The following RNF150 variants were observed in gnomAD, a reference collection of about 807,000 sequenced individuals.
The protein encoded by RNF150 is ring finger protein 150.
In RNF150, 24 loss-of-function variants were observed where a neutral mutation model predicts 39.3. The observed-to-expected ratio is 0.61, with a 90% CI of 0.44 to 0.86. The LOEUF is 0.86. Among genes scored for constraint, RNF150 ranks in the 40% least tolerant of loss-of-function variants. The pLI is 0.00. For synonymous variants in RNF150, 255 were observed against 227.3 expected (o/e 1.12, Z -1.10); for missense variants, 502 against 587.8 (o/e 0.85, Z 1.51).
rs115651223 is a variant in RNF150 at position 140,958,209 on chromosome 4, A to G, written c.736-8837T>C. 1.0e-2 allele frequency among the ~76,000 whole-genome samples: 1,516 copies of G among 152,284 alleles called. 11 individuals carry two copies. The highest frequency in any genetic ancestry group is 0.017 in the Non-Finnish European group (1,130 of 68,016). On this transcript the variant is annotated intron_variant, in intron 2 of 6. Coordinates refer to ENST00000515673, the MANE Select transcript of RNF150 (RefSeq NM_020724.2). ...ACATGCAAATAATGTGCCATTTCAT[A>G]TAAGGGACTGTAGATTTTGGTATCC...
chr4:141,197,732 G>T (rs1016274684), intron 1 of RNF150, among the ~76,000 whole-genome samples: 9 of 151,910 alleles, frequency 5.9e-5, no homozygotes, highest in African/African-American at 2.2e-4. Flanking sequence ...CAAAAAATTA[G>T]CCATGTATGG....
At chr4:141,061,847 G>C (rs1469938066) in intron 1 of RNF150, among the ~76,000 whole-genome samples, 1 of 152,034 alleles carries the variant, frequency 6.6e-6, no homozygotes, top group Non-Finnish European at 1.5e-5. Context: ...TTCACAAAAG[G>C]ATCTGAATTA....
chr4:140,962,457 G>A (rs1470415223), intron 2 of RNF150, among the ~76,000 whole-genome samples: 1 of 150,068 alleles, frequency 6.7e-6, no homozygotes, highest in Admixed American at 6.6e-5. Flanking sequence ...ATACGTATAT[G>A]ATATATATGT....
intron 5 of RNF150, among the ~76,000 whole-genome samples, chr4:140,925,665 G>A (rs755305260): frequency 3.9e-5 from 6 of 152,140 alleles, no homozygotes; most frequent in East Asian, 3.9e-4. Flanking sequence ...CAACTGGCCC[G>A]GGGTGTATCT....
intron 1 of RNF150, among the ~76,000 whole-genome samples, chr4:140,975,533 A>G (rs1429600404): frequency 6.6e-6 from 1 of 152,030 alleles, no homozygotes; most frequent in Non-Finnish European, 1.5e-5. Flanking sequence ...TTCCCTTAAT[A>G]TTTGTGGTCC....
intron 1 of RNF150, among the ~76,000 whole-genome samples, chr4:141,018,670 C>T (rs1735370333): frequency 6.6e-6 from 1 of 152,098 alleles, no homozygotes; most frequent in Non-Finnish European, 1.5e-5. Flanking sequence ...CCATCCAGAT[C>T]CAGGAGGCCC....
At chr4:140,956,668 C>A (rs1011407676) in intron 2 of RNF150, among the ~76,000 whole-genome samples, 7 of 152,078 alleles carry the variant, frequency 4.6e-5, no homozygotes, top group Admixed American at 3.3e-4. Flanking sequence ...TACAAGGCTA[C>A]AGTAACCAAA....
At chr4:140,901,283 C>T (rs909984072) in intron 6 of RNF150, among the ~76,000 whole-genome samples, 1 of 136,652 alleles carries the variant, frequency 7.3e-6, no homozygotes, top group African/African-American at 2.7e-5. Flanking sequence ...ATTTCTGCTG[C>T]ATAGTACAAT....
chr4:141,079,541 T>G (rs1367975558), intron 1 of RNF150, among the ~76,000 whole-genome samples: 1 of 152,160 alleles, frequency 6.6e-6, no homozygotes, highest in Non-Finnish European at 1.5e-5. Context: ...AAATAATATG[T>G]AAGGTGCTTA....
intron 5 of RNF150, among the ~76,000 whole-genome samples, chr4:140,921,280 G>A (rs935507069): frequency 2.6e-5 from 4 of 151,666 alleles, no homozygotes; most frequent in Non-Finnish European, 1.5e-5. Context: ...AAATGGCAAA[G>A]GGGATATCAC....
At chr4:141,066,626 A>G (rs550112723) in intron 1 of RNF150, among the ~76,000 whole-genome samples, 4 of 152,238 alleles carry the variant, frequency 2.6e-5, no homozygotes, top group Admixed American at 1.3e-4. Context: ...TAAGCTGACG[A>G]TATTTCTACA....
intron 4 of RNF150, among the ~76,000 whole-genome samples, chr4:140,926,293 T>C (rs1348754349): frequency 1.3e-5 from 2 of 152,202 alleles, no homozygotes; most frequent in Non-Finnish European, 2.9e-5. Flanking sequence ...TAATTTGCAA[T>C]GGAGTTTTCC....
At chr4:141,129,496 T>C (rs570881646) in intron 1 of RNF150, among the ~76,000 whole-genome samples, 93 of 152,276 alleles carry the variant, frequency 6.1e-4, no homozygotes, top group African/African-American at 2.2e-3. Context: ...TTGGGGAATA[T>C]TGGGGAAGTA....
rs541604941 is a variant in RNF150, at chr4:140,982,366, T to TA, written c.485-14494dup. 2.3e-4 allele frequency among the ~76,000 whole-genome samples: 35 copies of TA among 152,254 alleles called. 1 individual carries two copies. The highest frequency in any genetic ancestry group is 3.4e-3 in the Middle Eastern group (1 of 294). Reference sequence around the variant, plus strand: ...TGTGTTCCAAGCATTGGTAATTGCATATATGGCATCCTTCCTCCTCTTGAA... The same window carrying TA: ...TGTGTTCCAAGCATTGGTAATTGCATAATATGGCATCCTTCCTCCTCTTGAA... On this transcript the variant is annotated intron_variant, in intron 1 of 6. Coordinates refer to ENST00000515673, the MANE Select transcript of RNF150 (RefSeq NM_020724.2).
intron 5 of RNF150, among the ~76,000 whole-genome samples, 179 bp downstream of exon 5, chr4:140,925,798 G>T (rs550259970): frequency 6.6e-6 from 1 of 152,278 alleles, no homozygotes; most frequent in East Asian, 1.9e-4. Flanking sequence ...TGTCCTCAGA[G>T]AAAAAGTGAG....
chr4:141,172,828 C>T (rs1727751707), intron 1 of RNF150, among the ~76,000 whole-genome samples: 1 of 152,108 alleles, frequency 6.6e-6, no homozygotes, highest in African/African-American at 2.4e-5. Flanking sequence ...AGTTCAAGAC[C>T]AGCCTGGCCA....
intron 6 of RNF150, among the ~76,000 whole-genome samples, chr4:140,900,703 A>G (rs1730157872): frequency 6.6e-6 from 1 of 152,166 alleles, no homozygotes; most frequent in Non-Finnish European, 1.5e-5. Context: ...TTTCAATTTC[A>G]TCAATATATA....
intron 1 of RNF150, among the ~76,000 whole-genome samples, chr4:141,025,281 T>C (rs143290206): frequency 3.3e-5 from 5 of 152,112 alleles, no homozygotes; most frequent in African/African-American, 9.7e-5. Context: ...ATGATGAATA[T>C]AGTCATTCAA....
chr4:140,883,784 G>C (rs1729461437), intron 6 of RNF150, among the ~76,000 whole-genome samples: 1 of 151,748 alleles, frequency 6.6e-6, no homozygotes, highest in Admixed American at 6.6e-5. Flanking sequence ...ACCATATTTA[G>C]AGCTCACTGA....
Sources: gnomAD v4.1 joint callset for allele counts (sites outside exome capture counted in the v4.1 genomes callset) on GRCh38, gnomAD v4.1.1 for gene constraint, MANE v1.5 for transcripts, NCBI Gene and HGNC (gene_info 2026-07-23, HGNC 2026-07-21) for gene names.